The following TUSC3 variants were observed in gnomAD, a reference collection of about 807,000 sequenced individuals.
The protein encoded by TUSC3 is tumor suppressor candidate 3.
A neutral mutation model predicts 44.8 loss-of-function variants in TUSC3; 45 were observed. The observed-to-expected ratio is 1.00, with a 90% CI of 0.79 to 1.29. The LOEUF (loss-of-function observed/expected upper bound fraction) is 1.29. Ranked by LOEUF, TUSC3 falls within the 50% of genes most tolerant of loss-of-function variation. The pLI, the probability that TUSC3 is intolerant of heterozygous loss-of-function variation, is 0.00. For synonymous variants in TUSC3, 212 were observed against 152.9 expected, an observed-to-expected ratio of 1.39 and a Z score of -2.85; for missense variants, 519 against 437.9, an observed-to-expected ratio of 1.19 and a Z score of -1.65.
intron 1 of TUSC3, among the ~76,000 whole-genome samples, chr8:15,577,285 T>A (rs1229858600): frequency 6.6e-6 from 1 of 151,618 alleles, no homozygotes; most frequent in Non-Finnish European, 1.5e-5. Flanking sequence ...TGATGGTAGT[T>A]TCTTTTGCTG....
the TUSC3 span, among the ~76,000 whole-genome samples, chr8:15,810,738 G>T: frequency 1.3e-5 from 2 of 152,156 alleles, no homozygotes; most frequent in African/African-American, 2.4e-5. Context: ...CCAGCAGATT[G>T]AAGTCGCCCT....
At chr8:15,746,628 C>G (rs758209283) in intron 8 of TUSC3, among the ~76,000 whole-genome samples, 2 of 151,976 alleles carry the variant, frequency 1.3e-5, no homozygotes, top group Non-Finnish European at 2.9e-5. Context: ...AAGTAATTAT[C>G]TTCTGTCTTA....
the TUSC3 span, among the ~76,000 whole-genome samples, chr8:15,832,752 A>G: frequency 1.3e-5 from 2 of 152,134 alleles, no homozygotes; most frequent in South Asian, 4.1e-4. Context: ...ATATATATGC[A>G]CCCAACACAG....
the TUSC3 span, among the ~76,000 whole-genome samples, chr8:15,772,048 C>T: frequency 2.0e-5 from 3 of 151,904 alleles, no homozygotes; most frequent in Admixed American, 6.6e-5. Context: ...AGGATCGCGC[C>T]ACTGCACTCT....
At chr8:15,795,087 T>C in the TUSC3 span, among the ~76,000 whole-genome samples, 5 of 152,170 alleles carry the variant, frequency 3.3e-5, no homozygotes, top group Non-Finnish European at 7.4e-5. Flanking sequence ...TTGTGTAGTA[T>C]TTAATTGAGG....
At chr8:15,622,034 C>T (rs1263539094) in intron 1 of TUSC3, among the ~76,000 whole-genome samples, 1 of 152,114 alleles carries the variant, frequency 6.6e-6, no homozygotes, top group Non-Finnish European at 1.5e-5. Context: ...GATGTATATG[C>T]ACCCAGTCTC....
intron 2 of TUSC3, among the ~76,000 whole-genome samples, chr8:15,631,384 A>C (rs182486416): frequency 6.6e-6 from 1 of 152,090 alleles, no homozygotes. Context: ...CATTCCTTGA[A>C]TTCTTTTCTA....
At chr8:15,540,678 G>T (rs1324461270) in intron 1 of TUSC3, 110 bp downstream of exon 1, 2 of 1,379,276 alleles carry the variant, frequency 1.5e-6, no homozygotes, top group Admixed American at 5.9e-5. Flanking sequence ...CGGCGTGGGC[G>T]ATGCCGGCGC....
intron 1 of TUSC3, among the ~76,000 whole-genome samples, chr8:15,567,180 A>G (rs1319058493): frequency 6.6e-6 from 1 of 152,140 alleles, no homozygotes; most frequent in Non-Finnish European, 1.5e-5. Context: ...ACATTTTATC[A>G]TTCCTTTTAA....
chr8:15,802,869 G>T, the TUSC3 span, among the ~76,000 whole-genome samples: 1 of 151,874 alleles, frequency 6.6e-6, no homozygotes, highest in African/African-American at 2.4e-5. Context: ...GTTCATACTC[G>T]GTGGTCATTC....
Position 15,694,163 on chromosome 8 carries a change from C to G in TUSC3, c.798+20327C>G, listed in dbSNP as rs545377921. On this transcript the variant is annotated intron_variant, in intron 6 of 10. Transcript: ENST00000503731. ...GTAGCCTGGTTAAGAACCATGTTGG[C>G]CGGGCACAGTGGCTCATGCCTGTAA... is the stretch of plus-strand genomic sequence containing the variant. Among the ~76,000 whole-genome samples the G allele has an allele frequency of 1.2e-4, 19 of 152,132 alleles. No homozygotes were observed. In the East Asian group the frequency reaches 3.7e-3, roughly 30 times the overall value.
chr8:15,527,365 C>T (rs113399921), intron 2 of TUSC3, among the ~76,000 whole-genome samples: 1,860 of 151,932 alleles, frequency 0.012, 39 homozygotes, highest in African/African-American at 0.042. Context: ...TACAGGTGCC[C>T]GGCACCACAC....
chr8:15,813,275 G>T, the TUSC3 span, among the ~76,000 whole-genome samples: 2 of 151,930 alleles, frequency 1.3e-5, no homozygotes, highest in African/African-American at 4.8e-5. Context: ...GTTTCTGAAA[G>T]TTCTTCCAAT....
chr8:15,815,858 G>A, the TUSC3 span, among the ~76,000 whole-genome samples: 1 of 152,266 alleles, frequency 6.6e-6, no homozygotes, highest in Non-Finnish European at 1.5e-5. Flanking sequence ...AGTTGGCATT[G>A]TTTCCAGGGA....
upstream of TUSC3, among the ~76,000 whole-genome samples, chr8:15,537,360 T>G (rs1391477319): frequency 2.0e-5 from 3 of 152,126 alleles, no homozygotes; most frequent in Non-Finnish European, 4.4e-5. Context: ...ACCAATGCAT[T>G]TCTTAAATGT....
chr8:15,542,584 A>T (rs1801729283), intron 1 of TUSC3, among the ~76,000 whole-genome samples: 1 of 152,136 alleles, frequency 6.6e-6, no homozygotes, highest in Non-Finnish European at 1.5e-5. Context: ...AAAAAAATCT[A>T]AAAAGTGTAC....
intron 2 of TUSC3, among the ~76,000 whole-genome samples, chr8:15,623,811 T>C (rs1805363182): frequency 6.6e-6 from 1 of 152,190 alleles, no homozygotes; most frequent in East Asian, 1.9e-4. Flanking sequence ...TAGGTACACA[T>C]CTTTTACCCA....
At chr8:15,732,528 A>G (rs553145898) in intron 7 of TUSC3, among the ~76,000 whole-genome samples, 1 of 151,938 alleles carries the variant, frequency 6.6e-6, no homozygotes, top group Admixed American at 6.6e-5. Flanking sequence ...CGTGAGAACA[A>G]ATACACCTAG....
chr8:15,529,978 G>A (rs1801429648), intron 2 of TUSC3, among the ~76,000 whole-genome samples: 1 of 106,936 alleles, frequency 9.4e-6, no homozygotes. Context: ...GTAGAGACGG[G>A]GTTTCACCTT....
Sources: gnomAD v4.1 joint callset for allele counts (sites outside exome capture counted in the v4.1 genomes callset) on GRCh38, gnomAD v4.1.1 for gene constraint, MANE v1.5 for transcripts, NCBI Gene and HGNC (gene_info 2026-07-23, HGNC 2026-07-21) for gene names.